Variants in GPT2 observed in about 807,000 individuals in gnomAD.
GPT2 encodes glutamic--pyruvic transaminase 2, also known as alanine aminotransferase 2.
Under a neutral mutation model 56.9 loss-of-function variants are expected in GPT2, and 30 were observed. The ratio of observed to expected loss-of-function variants is 0.53; its 90% CI spans 0.39 to 0.72. The LOEUF (loss-of-function observed/expected upper bound fraction) is 0.72. GPT2 is among the 30% of genes least tolerant of loss of function. GPT2 has a pLI of 0.00. For synonymous variants in GPT2, 271 were observed against 283.1 expected (o/e 0.96, Z 0.43); for missense variants, 542 against 703.4 (o/e 0.77, Z 2.60).
At chr16:46,923,486 T>C (rs954806262) in intron 9 of GPT2, among the ~76,000 whole-genome samples, 11 of 152,336 alleles carry the variant, frequency 7.2e-5, no homozygotes, top group African/African-American at 2.2e-4. Context: ...TCATGTCTTA[T>C]TTGTCTTTTT....
At chr16:46,892,703 C>T (rs996698846) in intron 2 of GPT2, among the ~76,000 whole-genome samples, 2 of 152,200 alleles carry the variant, frequency 1.3e-5, no homozygotes, top group African/African-American at 2.4e-5. Flanking sequence ...TATCTGTTGA[C>T]GATTTGTGTG....
intron 2 of GPT2, among the ~76,000 whole-genome samples, chr16:46,893,958 C>G (rs2143367063): frequency 6.6e-6 from 1 of 152,300 alleles, no homozygotes; most frequent in Non-Finnish European, 1.5e-5. Flanking sequence ...CCCCAGGGCT[C>G]TTGGTATTTC....
intron 10 of GPT2, among the ~76,000 whole-genome samples, chr16:46,926,619 C>T (rs1961418980): frequency 6.6e-6 from 1 of 152,200 alleles, no homozygotes; most frequent in African/African-American, 2.4e-5. Flanking sequence ...GAGGATTATG[C>T]AGCTTGACCT....
intron 4 of GPT2, among the ~76,000 whole-genome samples, chr16:46,906,359 A>T (rs540927144): frequency 2.3e-4 from 35 of 152,222 alleles, no homozygotes; most frequent in Non-Finnish European, 4.6e-4. Flanking sequence ...CGCCCAGCCC[A>T]GGGGGTGCTA....
chr16:46,916,796 A>G, intron 7 of GPT2, 89 bp downstream of exon 7: 1 of 919,438 alleles, frequency 1.1e-6, no homozygotes, highest in East Asian at 2.4e-5. Context: ...AGCCAGAGAG[A>G]ACTGTCTTGG....
rs768407590 is a variant in GPT2 at position 46,897,733 on chromosome 16, G to A, written c.329G>A (p.Arg110Gln). ...GGGCAGCAGCCAATCACCTTCCTCC[G>A]GCAGGTGAGCCGCCCCCAGGAGCAG... ...AMGQQPITFL[R>Q]QVMALCTYPN... The change falls in exon 3 of 12, where the codon CGG (arginine) becomes CAG (glutamine). Residue 110 changes from arginine to glutamine, a missense_variant. Arg to Gln is a conservative substitution (Grantham distance 43). Transcript: ENST00000340124. The A allele has an allele frequency of 1.1e-5, 17 of 1,613,948 alleles. No homozygotes were observed. The highest frequency in any genetic ancestry group is 1.4e-5 in the Non-Finnish European group (16 of 1,179,876).
intron 3 of GPT2, among the ~76,000 whole-genome samples, chr16:46,899,020 T>TTACAC (rs1960760396): frequency 1.1e-5 from 1 of 95,074 alleles, no homozygotes; most frequent in African/African-American, 7.6e-5. Context: ...TATATATATA[T>TTACAC]ATATATATAT....
intron 2 of GPT2, among the ~76,000 whole-genome samples, chr16:46,895,098 C>T (rs1960662246): frequency 6.6e-6 from 1 of 152,080 alleles, no homozygotes; most frequent in South Asian, 2.1e-4. Context: ...TGGTCCAGAG[C>T]CACTTCCGGG....
intron 6 of GPT2, among the ~76,000 whole-genome samples, chr16:46,914,223 C>A (rs1436977058): frequency 6.6e-6 from 1 of 152,180 alleles, no homozygotes; most frequent in Non-Finnish European, 1.5e-5. Context: ...GGATCACTAT[C>A]TTGCTGTTTG....
intron 10 of GPT2, among the ~76,000 whole-genome samples, chr16:46,926,037 G>A (rs991359928): frequency 6.7e-6 from 1 of 149,828 alleles, no homozygotes; most frequent in African/African-American, 2.5e-5. Context: ...GGCTGAGGCA[G>A]GGAGAATCGC....
Position 46,922,193 on chromosome 16 carries a change from T to A in GPT2, c.1038-49T>A. The A allele has an allele frequency of 1.9e-6, 3 of 1,579,608 alleles. No homozygotes were observed. In the South Asian group the frequency reaches 3.4e-5, roughly 18 times the overall value. ...TCTGGCTGTCCAAATGGCACTTTGT[T>A]GAGGTCTTTCTATAACTGGTGGTCC... On this transcript the variant is annotated intron_variant, in intron 8 of 11. Transcript: ENST00000340124.
intron 5 of GPT2, 71 bp from the exon 6 acceptor site, chr16:46,909,613 G>A: frequency 4.5e-6 from 7 of 1,557,964 alleles, no homozygotes; most frequent in Non-Finnish European, 6.1e-6. Flanking sequence ...ATGCAGTGGG[G>A]CCACGGGTGA....
intron 3 of GPT2, among the ~76,000 whole-genome samples, chr16:46,897,969 G>T (rs1960716984): frequency 6.6e-6 from 1 of 152,200 alleles, no homozygotes; most frequent in Non-Finnish European, 1.5e-5. Flanking sequence ...ACAAGGCGGG[G>T]TCCTGGGAGC....
chr16:46,895,241 C>T (rs893794497), intron 2 of GPT2, among the ~76,000 whole-genome samples: 16 of 152,048 alleles, frequency 1.1e-4, no homozygotes, highest in African/African-American at 3.9e-4. Context: ...GAGACAGGGT[C>T]AGGCCAGGCG....
intron 6 of GPT2, among the ~76,000 whole-genome samples, chr16:46,912,379 T>C (rs1378197423): frequency 6.6e-6 from 1 of 152,168 alleles, no homozygotes; most frequent in Non-Finnish European, 1.5e-5. Context: ...CTTTCAGCCA[T>C]TGCCATCAGC....
At chr16:46,898,872 A>T (rs912946184) in intron 3 of GPT2, among the ~76,000 whole-genome samples, 1 of 136,580 alleles carries the variant, frequency 7.3e-6, no homozygotes, top group African/African-American at 2.9e-5. Flanking sequence ...ATTTATATAC[A>T]TATATATATA....
At chr16:46,891,954 G>A (rs1160673501) in intron 2 of GPT2, among the ~76,000 whole-genome samples, 1 of 140,828 alleles carries the variant, frequency 7.1e-6, no homozygotes, top group Non-Finnish European at 1.5e-5. Context: ...ATCCTTCTAT[G>A]CTCCATCTTC....
rs1461013606 is a variant in GPT2 at position 46,926,999 on chromosome 16, C to A, written c.1443C>A (p.Gly481=). The change falls in exon 11 of 12, where the codon GGC becomes GGA. Residue 481 remains glycine (G), a synonymous_variant. Transcript: ENST00000340124. Reference sequence around the variant, plus strand: ...AGACTGGCATCTGTGTCGTGCCCGGCAGTGGCTTTGGGCAGAGGGAAGGCA... The same window carrying A: ...AGACTGGCATCTGTGTCGTGCCCGGAAGTGGCTTTGGGCAGAGGGAAGGCA... ...LEETGICVVP[G]SGFGQREGTY... is the part of the protein sequence containing the mutation. The A allele has an allele frequency of 6.2e-7, 1 of 1,609,358 alleles. No homozygotes were observed. Among genetic ancestry groups the A allele is most frequent in the Non-Finnish European group, 8.5e-7 (1 of 1,178,124 alleles).
At chr16:46,926,854 A>G in intron 10 of GPT2, 71 bp from the exon 11 acceptor site, 2 of 1,006,138 alleles carry the variant, frequency 2.0e-6, no homozygotes, top group Non-Finnish European at 2.9e-6. Context: ...TTTAGATTAC[A>G]TTTGGCTTTG....
Sources: allele counts gnomAD v4.1 joint callset (sites outside exome capture counted in the v4.1 genomes callset), GRCh38; gene constraint gnomAD v4.1.1; transcripts MANE v1.5; gene names NCBI Gene and HGNC (gene_info 2026-07-23, HGNC 2026-07-21).